The following ANAPC1 variants were observed in gnomAD, a reference collection of about 807,000 sequenced individuals.
ANAPC1 encodes the protein anaphase-promoting complex subunit 1.
In ANAPC1, 36 loss-of-function variants were observed where a neutral mutation model predicts 208.0. The ratio of observed to expected loss-of-function variants is 0.17; its 90% CI spans 0.13 to 0.23. ANAPC1 has a LOEUF of 0.23. Among genes scored for constraint, ANAPC1 ranks in the 10% least tolerant of loss-of-function variants. The probability of loss-of-function intolerance (pLI) is 1.00; values close to 1 mark genes in which losing one functional copy is unlikely to be tolerated. For synonymous variants in ANAPC1, 378 were observed against 695.2 expected, an observed-to-expected ratio of 0.54 and a Z score of 7.18; for missense variants, 942 against 2,011.6, an observed-to-expected ratio of 0.47 and a Z score of 10.17.
At chr2:111,819,830 T>TA (rs1311354898) in intron 26 of ANAPC1, among the ~76,000 whole-genome samples, 2 of 152,210 alleles carry the variant, frequency 1.3e-5, no homozygotes, top group Non-Finnish European at 2.9e-5. Context: ...TGGACACACA[T>TA]AACTGCTTTT....
intron 16 of ANAPC1, among the ~76,000 whole-genome samples, chr2:111,845,571 A>G (rs1364289857): frequency 6.6e-6 from 1 of 152,166 alleles, no homozygotes; most frequent in Admixed American, 6.5e-5. Context: ...TTGGCTATAA[A>G]GGGGTAAGAT....
intron 34 of ANAPC1, among the ~76,000 whole-genome samples, chr2:111,797,600 T>C (rs1227016247): frequency 6.6e-6 from 1 of 151,998 alleles, no homozygotes; most frequent in Non-Finnish European, 1.5e-5. Context: ...CCTCAAATAA[T>C]AGATGAATAA....
intron 18 of ANAPC1, among the ~76,000 whole-genome samples, chr2:111,837,488 C>T (rs1248838316): frequency 1.3e-5 from 2 of 152,118 alleles, no homozygotes; most frequent in East Asian, 1.9e-4. Context: ...GGCGTGGTGG[C>T]GCATGCCTAT....
Position 111,777,403 on chromosome 2 carries a change from C to A in ANAPC1, c.5386-346G>T, listed in dbSNP as rs573931106. On this transcript the variant is annotated intron_variant, in intron 45 of 47. Coordinates refer to ENST00000341068, the MANE Select transcript of ANAPC1 (RefSeq NM_022662.4). ...GGGTACAATGACATGGCAGAGATCC[C>A]AGGGGGTAGAGGGCAAGAAGAACAC... 8.9e-3 allele frequency among the ~76,000 whole-genome samples: 1,352 copies of A among 151,946 alleles called. 22 individuals are homozygous for A. Among genetic ancestry groups the A allele is most frequent in the African/African-American group, 0.031 (1,295 of 41,392 alleles).
chr2:111,874,037 C>G (rs1023450514), intron 3 of ANAPC1, among the ~76,000 whole-genome samples: 1 of 152,092 alleles, frequency 6.6e-6, no homozygotes, highest in Non-Finnish European at 1.5e-5. Flanking sequence ...CTCTACAAAA[C>G]TAAAGATTAT....
At chr2:111,868,415 C>G (rs536655460) in intron 6 of ANAPC1, among the ~76,000 whole-genome samples, 121 of 152,234 alleles carry the variant, frequency 7.9e-4, no homozygotes, top group Non-Finnish European at 1.4e-3. Context: ...TTTTATTGAC[C>G]TCTCTTACTG....
At chr2:111,858,708 G>A (rs1312418868) in intron 10 of ANAPC1, among the ~76,000 whole-genome samples, 6 of 147,432 alleles carry the variant, frequency 4.1e-5, no homozygotes, top group South Asian at 2.1e-4. Context: ...CTTGCAGTAA[G>A]CCAAGATCAC....
intron 38 of ANAPC1, among the ~76,000 whole-genome samples, chr2:111,788,778 T>A (rs1677706002): frequency 6.6e-6 from 1 of 151,566 alleles, no homozygotes; most frequent in African/African-American, 2.4e-5. Context: ...GTTTTTTCTG[T>A]TTCTGTGAAG....
intron 27 of ANAPC1, among the ~76,000 whole-genome samples, chr2:111,817,444 C>T (rs1328167744): frequency 1.3e-5 from 2 of 151,928 alleles, no homozygotes; most frequent in Non-Finnish European, 2.9e-5. Flanking sequence ...ATATACCATG[C>T]CTTCCATCAA....
intron 28 of ANAPC1, among the ~76,000 whole-genome samples, chr2:111,810,738 G>A (rs966195689): frequency 6.8e-5 from 10 of 147,652 alleles, no homozygotes; most frequent in Non-Finnish European, 1.3e-4. Context: ...CAAAAATTAC[G>A]CAGGTGTGGT....
chr2:111,831,827 A>C (rs28662962), intron 20 of ANAPC1, among the ~76,000 whole-genome samples: 2,545 of 20,618 alleles, frequency 0.12, 292 homozygotes, highest in Middle Eastern at 0.36. Context: ...ACTCTGTCTC[A>C]AAAAAAAAAA....
chr2:111,816,082 A>G (rs1251236980), intron 27 of ANAPC1, among the ~76,000 whole-genome samples: 3 of 150,476 alleles, frequency 2.0e-5, no homozygotes, highest in Admixed American at 2.0e-4. Context: ...ATTTTCCCCT[A>G]GACATTAAGG....
At chr2:111,827,438 C>G (rs961848005) in intron 21 of ANAPC1, among the ~76,000 whole-genome samples, 2 of 152,110 alleles carry the variant, frequency 1.3e-5, no homozygotes, top group Admixed American at 1.3e-4. Context: ...ATGCCATCTC[C>G]GCATATACAA....
intron 21 of ANAPC1, among the ~76,000 whole-genome samples, chr2:111,827,309 C>T (rs1679890614): frequency 6.6e-6 from 1 of 152,168 alleles, no homozygotes; most frequent in African/African-American, 2.4e-5. Flanking sequence ...CACAAAAGTA[C>T]ATAAGATCTC....
intron 18 of ANAPC1, among the ~76,000 whole-genome samples, chr2:111,835,674 T>TAA (rs199729086): frequency 6.6e-6 from 1 of 151,620 alleles, no homozygotes; most frequent in Non-Finnish European, 1.5e-5. Flanking sequence ...CCATCACTTC[T>TAA]AAAAAAATAC....
Position 111,862,478 on chromosome 2 carries a change from A to G in ANAPC1, c.1173T>C (p.Ser391=), listed in dbSNP as rs143195453. 9.3e-6 allele frequency: 15 copies of G among 1,611,572 alleles called. No homozygotes were observed. The highest frequency in any genetic ancestry group is 1.3e-5 in the Non-Finnish European group (15 of 1,179,606). Reference sequence around the variant, plus strand: ...TTTCTGGTGCAAGAAAGGAGCCATTAGAATTACTATTTGGAGAATGAGAAA... The same window carrying G: ...TTTCTGGTGCAAGAAAGGAGCCATTGGAATTACTATTTGGAGAATGAGAAA... ...HSISHSPNSN[S]NGSFLAPETE... Residue 391 remains serine (S), a synonymous_variant, in exon 10 of 48, where the codon TCT becomes TCC. Transcript: ENST00000341068.
intron 7 of ANAPC1, among the ~76,000 whole-genome samples, chr2:111,866,065 A>G (rs6731572): frequency 0.51 from 77,303 of 151,126 alleles, 20,427 homozygotes; most frequent in Non-Finnish European, 0.58. Context: ...TTAGCGGGTC[A>G]TGGTGGCGGG....
At chr2:111,873,258 C>G in intron 5 of ANAPC1, 50 bp downstream of exon 5, 1 of 1,518,806 alleles carries the variant, frequency 6.6e-7, no homozygotes, top group Non-Finnish European at 8.8e-7. Context: ...CCAATTAATT[C>G]AAAAATGTTC....
At chr2:111,882,380 C>T (rs988502031) in intron 1 of ANAPC1, among the ~76,000 whole-genome samples, 2 of 152,054 alleles carry the variant, frequency 1.3e-5, no homozygotes, top group Non-Finnish European at 2.9e-5. Context: ...CAGCCAAAGC[C>T]TATGTAGTTC....
Sources: gnomAD v4.1 joint callset for allele counts (sites outside exome capture counted in the v4.1 genomes callset) on GRCh38, gnomAD v4.1.1 for gene constraint, MANE v1.5 for transcripts, NCBI Gene and HGNC (gene_info 2026-07-23, HGNC 2026-07-21) for gene names.